The following DCAF10 variants were observed in gnomAD, a reference collection of about 807,000 sequenced individuals.
DCAF10 encodes the protein DDB1 and CUL4 associated factor 10.
DCAF10 carries 19 observed loss-of-function variants against 51.9 expected under a neutral mutation model. That is an observed-to-expected ratio of 0.37 (90% CI 0.26 to 0.54). The LOEUF (loss-of-function observed/expected upper bound fraction) is 0.54, where lower values mean the gene tolerates loss of function less well. DCAF10 is among the 20% of genes least tolerant of loss of function. The pLI, the probability that DCAF10 is intolerant of heterozygous loss-of-function variation, is 0.87. For missense variants in DCAF10, 510 were observed against 730.6 expected (o/e 0.70, Z 3.48); for synonymous variants, 291 against 297.1 (o/e 0.98, Z 0.21).
chr9:37,804,023 G>C (rs1829036088), intron 1 of DCAF10, among the ~76,000 whole-genome samples: 1 of 151,796 alleles, frequency 6.6e-6, no homozygotes, highest in South Asian at 2.1e-4. Flanking sequence ...AAGTAAAATT[G>C]ATAATGTTAA....
intron 3 of DCAF10, among the ~76,000 whole-genome samples, chr9:37,846,335 C>T (rs2118074888): frequency 6.6e-6 from 1 of 152,188 alleles, no homozygotes. Context: ...ACCAACCTTA[C>T]AGAAATTAAA....
intron 2 of DCAF10, among the ~76,000 whole-genome samples, chr9:37,831,808 G>C (rs1830014323): frequency 6.6e-6 from 1 of 152,130 alleles, no homozygotes; most frequent in Non-Finnish European, 1.5e-5. Flanking sequence ...CATTAGCTGG[G>C]CGTGGTGGCC....
At chr9:37,822,156 A>C (rs1000526253) in intron 2 of DCAF10, among the ~76,000 whole-genome samples, 2 of 152,116 alleles carry the variant, frequency 1.3e-5, no homozygotes, top group African/African-American at 4.8e-5. Flanking sequence ...GAACACTTCT[A>C]CACTGCTGGT....
At chr9:37,805,203 C>T (rs1049673181) in intron 1 of DCAF10, among the ~76,000 whole-genome samples, 3 of 152,034 alleles carry the variant, frequency 2.0e-5, no homozygotes, top group Non-Finnish European at 1.5e-5. Context: ...GAAGTGAGGC[C>T]GGGTGTGGTG....
chr9:37,851,432 G>A (rs1381011844), intron 3 of DCAF10, among the ~76,000 whole-genome samples: 2 of 151,416 alleles, frequency 1.3e-5, no homozygotes, highest in Non-Finnish European at 2.9e-5. Flanking sequence ...GTCCCACCTC[G>A]GCCTCCCAAA....
chr9:37,849,713 T>C (rs1283286467), intron 3 of DCAF10, among the ~76,000 whole-genome samples: 1 of 152,078 alleles, frequency 6.6e-6, no homozygotes, highest in African/African-American at 2.4e-5. Context: ...AAACCCCGTG[T>C]CTACTAAAAA....
rs1828900283 is a variant in DCAF10 at position 37,800,884 on chromosome 9, C to G, written c.18C>G (p.Pro6=). 2.7e-6 allele frequency: 4 copies of G among 1,497,674 alleles called. No homozygotes were observed. Among genetic ancestry groups the G allele is most frequent in the Non-Finnish European group, 3.5e-6 (4 of 1,130,524 alleles). The allele number at this position is 1,497,674 out of a possible 1,614,324, so 92.8% of individuals were successfully genotyped here. A position where few individuals can be genotyped will look rare whatever the true frequency, so the allele number is the denominator to read the frequency against. Residue 6 remains proline (P), a synonymous_variant, in exon 1 of 7, where the codon CCC becomes CCG. Transcript: ENST00000377724. Reference sequence around the variant, plus strand: ...CGTTGATCATGTTTCCCTTTGGGCCCCATAGCCCTGGAGGGGACGGATCGG... The same window carrying G: ...CGTTGATCATGTTTCCCTTTGGGCCGCATAGCCCTGGAGGGGACGGATCGG... MFPFG[P]HSPGGDGSAG...
intron 2 of DCAF10, among the ~76,000 whole-genome samples, chr9:37,826,006 G>A (rs900403280): frequency 1.3e-5 from 2 of 149,892 alleles, no homozygotes; most frequent in African/African-American, 4.9e-5. Context: ...CTGCACACCA[G>A]CCTGAGCGAC....
chr9:37,834,636 A>T (rs1830098783), intron 2 of DCAF10, among the ~76,000 whole-genome samples: 1 of 152,158 alleles, frequency 6.6e-6, no homozygotes, highest in Admixed American at 6.5e-5. Context: ...TTTTAAATCC[A>T]TCTGTGCATT....
intron 1 of DCAF10, among the ~76,000 whole-genome samples, chr9:37,818,079 G>A (rs907983163): frequency 5.9e-5 from 9 of 151,690 alleles, no homozygotes; most frequent in Middle Eastern, 3.4e-3. Context: ...TGCAACCTCC[G>A]CCTCCTGGGT....
chr9:37,854,677 T>C (rs1478761446), intron 3 of DCAF10, 103 bp from the exon 4 acceptor site: 1 of 1,084,650 alleles, frequency 9.2e-7, no homozygotes, highest in Non-Finnish European at 1.3e-6. Flanking sequence ...CAAGCTCTTC[T>C]CATCCTCCCT....
At chr9:37,808,703 T>TATATAAAAA (rs2119023963) in intron 1 of DCAF10, among the ~76,000 whole-genome samples, 1 of 107,624 alleles carries the variant, frequency 9.3e-6, no homozygotes, top group African/African-American at 5.1e-5. Flanking sequence ...ATTTATATAT[T>TATATAAAAA]TATATTTATA....
At chr9:37,802,053 T>G (rs1350922919) in intron 1 of DCAF10, among the ~76,000 whole-genome samples, 1 of 152,214 alleles carries the variant, frequency 6.6e-6, no homozygotes, top group Non-Finnish European at 1.5e-5. Context: ...GTCTTGTCAG[T>G]ACACAAGTCC....
Position 37,814,080 on chromosome 9 carries a change from CTATATATATATATATATATATATATA to C in DCAF10, c.540-5186_540-5161del, listed in dbSNP as rs58660288. 3.9e-3 allele frequency among the ~76,000 whole-genome samples: 185 copies of C among 47,110 alleles called. 8 individuals carry two copies. In the East Asian group the frequency reaches 0.045, roughly 11 times the overall value. 30.9% of individuals were successfully genotyped at this position (47,110 alleles called of 152,430 possible). ...TGAACCACTTTGAAACTATTTGTCA[CTATATATATATATATATATATATATA>C]TATATATATATATATATATATTTGT... On this transcript the variant is annotated intron_variant, in intron 1 of 6. Coordinates refer to ENST00000377724, the MANE Select transcript of DCAF10 (RefSeq NM_024345.5).
rs187562573 is a variant in DCAF10, at chr9:37,835,985, T to C, written c.654-6104T>C. Reference sequence around the variant, plus strand: ...CCCTTAGAACTGTTTACAGAAAAATTCCCCAATCCCTGCCAGAGGCGCCGG... The same window carrying C: ...CCCTTAGAACTGTTTACAGAAAAATCCCCCAATCCCTGCCAGAGGCGCCGG... On this transcript the variant is annotated intron_variant, in intron 2 of 6. Coordinates refer to ENST00000377724, the MANE Select transcript of DCAF10 (RefSeq NM_024345.5). 79 of 981,308 alleles carry C rather than the reference T, an allele frequency of 8.1e-5. 1 individual carries two copies. The highest frequency in any genetic ancestry group is 7.9e-4 in the Admixed American group (46 of 58,286). The allele number at this position is 981,308 out of a possible 1,614,324, so 60.8% of individuals were successfully genotyped here. A position where few individuals can be genotyped will look rare whatever the true frequency, so the allele number is the denominator to read the frequency against.
chr9:37,852,993 A>G (rs981280542), intron 3 of DCAF10, among the ~76,000 whole-genome samples: 1 of 146,530 alleles, frequency 6.8e-6, no homozygotes, highest in East Asian at 2.1e-4. Flanking sequence ...CTATTCCACA[A>G]TATATACATA....
rs537629611 is a variant in DCAF10, at chr9:37,819,162, T to C, written c.540-126T>C. 1.5e-5 allele frequency: 10 copies of C among 647,728 alleles called. No homozygotes were observed. In the African/African-American group the frequency reaches 1.7e-4, roughly 11 times the overall value. The allele number at this position is 647,728 out of a possible 1,614,324, so 40.1% of individuals were successfully genotyped here. A position where few individuals can be genotyped will look rare whatever the true frequency, so the allele number is the denominator to read the frequency against. Reference sequence around the variant, plus strand: ...CAGATAGTATCAATCTTTTAAACATTTGCTACTAACATGGGCAAAAAAAAA... The same window carrying C: ...CAGATAGTATCAATCTTTTAAACATCTGCTACTAACATGGGCAAAAAAAAA... On this transcript the variant is annotated intron_variant, in intron 1 of 6. Coordinates refer to ENST00000377724, the MANE Select transcript of DCAF10 (RefSeq NM_024345.5).
intron 1 of DCAF10, among the ~76,000 whole-genome samples, chr9:37,811,963 G>C (rs952398446): frequency 6.6e-6 from 1 of 152,148 alleles, no homozygotes; most frequent in Non-Finnish European, 1.5e-5. Context: ...GAGGTAGTTG[G>C]ATCTCTTGAG....
intron 1 of DCAF10, among the ~76,000 whole-genome samples, chr9:37,812,869 A>C (rs540533052): frequency 6.6e-6 from 1 of 152,142 alleles, no homozygotes; most frequent in African/African-American, 2.4e-5. Context: ...TAAAACATGA[A>C]AAATTTTAGT....
Sources: allele counts gnomAD v4.1 joint callset (sites outside exome capture counted in the v4.1 genomes callset), GRCh38; gene constraint gnomAD v4.1.1; transcripts MANE v1.5; gene names NCBI Gene and HGNC (gene_info 2026-07-23, HGNC 2026-07-21).